Variants in DGKB observed in about 807,000 individuals in gnomAD.
DGKB encodes the protein 90 kDa diacylglycerol kinase.
DGKB carries 67 observed loss-of-function variants against 114.3 expected under a neutral mutation model. The ratio of observed to expected loss-of-function variants is 0.59; its 90% CI spans 0.48 to 0.72. The LOEUF (loss-of-function observed/expected upper bound fraction) is 0.72, where lower values mean the gene tolerates loss of function less well. Among genes scored for constraint, DGKB ranks in the 30% least tolerant of loss-of-function variants. DGKB has a pLI of 0.00. For synonymous variants in DGKB, 398 were observed against 323.1 expected (o/e 1.23, Z -2.49); for missense variants, 907 against 975.2 (o/e 0.93, Z 0.93).
Position 14,145,826 on chromosome 7 carries a change from A to T in DGKB, c.*3305T>A, listed in dbSNP as rs1781421619. On this transcript the variant is annotated 3_prime_UTR_variant, in exon 26 of 26. Coordinates refer to ENST00000402815, the MANE Select transcript of DGKB (RefSeq NM_001350709.2). ...ACAAAAAGGAAAAGAATGATCTCAA[A>T]ATCTTGTCTCATTCAAGAATACAGT... 1 of 152,202 alleles carries T rather than the reference A, an allele frequency of 6.6e-6. No individual in the cohort carries two copies. Among genetic ancestry groups the T allele is most frequent in the Non-Finnish European group, 1.5e-5 (1 of 68,038 alleles). The allele number at this position is 152,202 out of a possible 1,614,324, so 9.4% of individuals were successfully genotyped here.
chr7:14,901,834 C>A (rs1011955035), intron 1 of DGKB, among the ~76,000 whole-genome samples: 1 of 152,072 alleles, frequency 6.6e-6, no homozygotes, highest in Non-Finnish European at 1.5e-5. Flanking sequence ...TTTGAGCAAC[C>A]AGTTGAAGTT....
At chr7:14,946,758 A>G (rs1276812401) in intron 1 of DGKB, among the ~76,000 whole-genome samples, 2 of 151,796 alleles carry the variant, frequency 1.3e-5, no homozygotes, top group East Asian at 1.9e-4. Flanking sequence ...CTGAAAGTGT[A>G]GTTTTAAGCT....
chr7:14,301,164 C>T (rs182771612), intron 23 of DGKB, among the ~76,000 whole-genome samples: 2 of 152,152 alleles, frequency 1.3e-5, no homozygotes, highest in Admixed American at 1.3e-4. Context: ...TTAAAACATG[C>T]ATCATCTTAT....
chr7:14,902,354 T>C (rs879388408), intron 1 of DGKB, among the ~76,000 whole-genome samples: 59 of 152,162 alleles, frequency 3.9e-4, no homozygotes, highest in Admixed American at 5.2e-4. Context: ...AAAATCACAA[T>C]GGACAGGGCA....
chr7:14,744,199 T>C (rs1331288918), intron 4 of DGKB, among the ~76,000 whole-genome samples: 1 of 152,242 alleles, frequency 6.6e-6, no homozygotes, highest in African/African-American at 2.4e-5. Flanking sequence ...CTTTGCCTGG[T>C]TCTTCTAGAA....
intron 21 of DGKB, among the ~76,000 whole-genome samples, chr7:14,443,340 T>C (rs190246165): frequency 1.3e-5 from 2 of 152,254 alleles, no homozygotes; most frequent in Admixed American, 1.3e-4. Flanking sequence ...CAATTTATTT[T>C]GATTTACCTA....
chr7:14,314,117 C>G (rs1805983687), intron 23 of DGKB, among the ~76,000 whole-genome samples: 1 of 152,050 alleles, frequency 6.6e-6, no homozygotes, highest in Non-Finnish European at 1.5e-5. Context: ...ACATCCACAC[C>G]AAAAACTCAT....
chr7:14,878,335 A>G (rs1193077494), intron 1 of DGKB, among the ~76,000 whole-genome samples: 1 of 152,214 alleles, frequency 6.6e-6, no homozygotes, highest in South Asian at 2.1e-4. Context: ...TCTCTGCATC[A>G]TAGCTTTAAA....
At chr7:14,606,281 T>C (rs887993431) in intron 17 of DGKB, among the ~76,000 whole-genome samples, 1 of 152,020 alleles carries the variant, frequency 6.6e-6, no homozygotes, top group Non-Finnish European at 1.5e-5. Flanking sequence ...GATTCTGGAT[T>C]GTGAAGCTTG....
chr7:14,506,851 T>C (rs948042826), intron 20 of DGKB, among the ~76,000 whole-genome samples: 3 of 152,218 alleles, frequency 2.0e-5, no homozygotes, highest in African/African-American at 7.2e-5. Flanking sequence ...AAGTTGACCA[T>C]TGATTAGCTC....
In DGKB at chr7:14,936,190, C is replaced by G. The variant is rs117910758; in HGVS notation, c.-188+38506G>C. Among the ~76,000 whole-genome samples the G allele has an allele frequency of 9.3e-3, 1,419 of 152,260 alleles. 8 individuals carry two copies. The highest frequency in any genetic ancestry group is 0.014 in the Non-Finnish European group (961 of 68,018). ...GTGAGGTCACTGGATAGAGATTGGACTGTACAAACAAGAACGTAGAAAAGT... is the reference window on the plus strand; with the variant it reads ...GTGAGGTCACTGGATAGAGATTGGAGTGTACAAACAAGAACGTAGAAAAGT... On this transcript the variant is annotated intron_variant, in intron 1 of 4. Transcript: ENST00000437998.
chr7:14,641,349 T>G (rs1811760176), intron 13 of DGKB, among the ~76,000 whole-genome samples: 1 of 151,788 alleles, frequency 6.6e-6, no homozygotes, highest in Admixed American at 6.6e-5. Context: ...AGGGATTGCA[T>G]TTTACAATAC....
chr7:14,415,435 A>G lies in DGKB; in HGVS notation c.1835+62726T>C, dbSNP rs1221938364. On this transcript the variant is annotated intron_variant, in intron 21 of 25. Coordinates refer to ENST00000402815, the MANE Select transcript of DGKB (RefSeq NM_001350709.2). ...TCCCTCCCCACTCCCCCCACCCCAC[A>G]ACAGGCCCCAGTGTGTGATGTTCCC... Among the ~76,000 whole-genome samples, 22 of 140,292 alleles carry G rather than the reference A, an allele frequency of 1.6e-4. 1 individual carries two copies. The Admixed American group carries it at 1.6e-3, about 10-fold the overall frequency. The allele number at this position is 140,292 out of a possible 152,430, so 92.0% of individuals were successfully genotyped here. A position where few individuals can be genotyped will look rare whatever the true frequency, so the allele number is the denominator to read the frequency against.
intron 17 of DGKB, among the ~76,000 whole-genome samples, chr7:14,597,587 A>T (rs1246296163): frequency 6.6e-6 from 1 of 152,186 alleles, no homozygotes; most frequent in Non-Finnish European, 1.5e-5. Flanking sequence ...CTATATGCTG[A>T]TAACCTCTAT....
intron 19 of DGKB, among the ~76,000 whole-genome samples, chr7:14,577,882 G>A (rs1415848245): frequency 2.0e-5 from 3 of 152,192 alleles, no homozygotes; most frequent in African/African-American, 7.2e-5. Context: ...GTTGAATGAA[G>A]TACTTTCTTC....
intron 7 of DGKB, among the ~76,000 whole-genome samples, chr7:14,699,265 G>C (rs2129006877): frequency 6.6e-6 from 1 of 152,278 alleles, no homozygotes; most frequent in South Asian, 2.1e-4. Context: ...TTAAAAGTGT[G>C]CATGTGTATG....
intron 20 of DGKB, among the ~76,000 whole-genome samples, chr7:14,521,603 T>C (rs1189153487): frequency 6.6e-6 from 1 of 152,200 alleles, no homozygotes; most frequent in Non-Finnish European, 1.5e-5. Context: ...CCCAGTTGTT[T>C]AATTTAAAGT....
intron 23 of DGKB, among the ~76,000 whole-genome samples, chr7:14,295,490 G>A (rs1186300406): frequency 1.3e-5 from 2 of 151,970 alleles, no homozygotes; most frequent in African/African-American, 4.8e-5. Context: ...TCTATTCAAA[G>A]TCCTTTGTAC....
intron 1 of DGKB, among the ~76,000 whole-genome samples, chr7:14,910,917 A>G (rs1159930276): frequency 1.3e-5 from 2 of 152,142 alleles, no homozygotes; most frequent in Admixed American, 6.5e-5. Context: ...TGGGGGTGAT[A>G]ATTTAATAAC....
Sources: gnomAD v4.1 joint callset for allele counts (sites outside exome capture counted in the v4.1 genomes callset) on GRCh38, gnomAD v4.1.1 for gene constraint, MANE v1.5 for transcripts, NCBI Gene and HGNC (gene_info 2026-07-23, HGNC 2026-07-21) for gene names.